CSF2RA: variants seen among roughly 807,000 people sequenced by gnomAD.
CSF2RA encodes granulocyte-macrophage colony-stimulating factor receptor subunit alpha.
A neutral mutation model predicts 51.6 loss-of-function variants in CSF2RA; 42 were observed. The ratio of observed to expected loss-of-function variants is 0.81; its 90% CI spans 0.64 to 1.05. The LOEUF is 1.05. Among genes scored for constraint, CSF2RA ranks in the 50% least tolerant of loss-of-function variants. The probability of loss-of-function intolerance (pLI) is 0.00; values close to 1 mark genes in which losing one functional copy is unlikely to be tolerated. For missense variants in CSF2RA, 530 were observed against 501.1 expected (o/e 1.06, Z -0.55); for synonymous variants, 222 against 193.0 (o/e 1.15, Z -1.24).
At chrX:1,289,807 GTGTTT>G (rs201048400) in intron 6 of CSF2RA, among the ~76,000 whole-genome samples, 17,951 of 103,608 alleles carry the variant, frequency 0.17, 2,613 homozygotes, top group Middle Eastern at 0.29. Context: ...TTGTGTTTTT[GTGTTT>G]TGTTTTGTTT....
rs1370376698 is a variant in CSF2RA, at chrX:1,309,681, G to A, written c.*202G>A. ...GCAGGCGGATCACCTGAGGTCAGGAGTTCAAGACCAGCCTGCCCAACATGG... is the reference window on the plus strand; with the variant it reads ...GCAGGCGGATCACCTGAGGTCAGGAATTCAAGACCAGCCTGCCCAACATGG... On this transcript the variant is annotated 3_prime_UTR_variant, in exon 13 of 13. Transcript: ENST00000381529. 3 of 1,177,960 alleles carry A rather than the reference G, an allele frequency of 2.5e-6. No homozygotes were observed. The East Asian group carries it at 7.0e-5, about 28-fold the overall frequency. 73.0% of individuals were successfully genotyped at this position (1,177,960 alleles called of 1,614,324 possible).
chrX:1,273,316 A>AT (rs201207431), intron 1 of CSF2RA, among the ~76,000 whole-genome samples: 4,064 of 149,224 alleles, frequency 0.027, 172 homozygotes, highest in African/African-American at 0.094. Context: ...TCTTAGTTGT[A>AT]TTTTTTTTTT....
downstream of CSF2RA, among the ~76,000 whole-genome samples, chrX:1,313,991 A>AAAAT (rs2084297748): frequency 6.6e-6 from 1 of 152,100 alleles, no homozygotes; most frequent in Non-Finnish European, 1.5e-5. Flanking sequence ...ATTCTGTCTC[A>AAAAT]AAATAAATGA....
chrX:1,273,831 C>A (rs1239327356), intron 1 of CSF2RA, among the ~76,000 whole-genome samples: 13 of 151,180 alleles, frequency 8.6e-5, no homozygotes, highest in African/African-American at 2.9e-4. Context: ...ATCTCCTGGC[C>A]TCATGATCTG....
At chrX:1,297,880 CCTACA>C (rs2092076920) in intron 9 of CSF2RA, among the ~76,000 whole-genome samples, 1 of 108,742 alleles carries the variant, frequency 9.2e-6, no homozygotes, top group Non-Finnish European at 2.0e-5. Context: ...CTGGCGGAAC[CCTACA>C]GTCCCCTACT....
At chrX:1,273,584 C>T (rs1250093380) in intron 1 of CSF2RA, among the ~76,000 whole-genome samples, 2 of 151,732 alleles carry the variant, frequency 1.3e-5, no homozygotes, top group African/African-American at 4.8e-5. Context: ...CCGCCTCGGC[C>T]TCCCAAAGTG....
intron 5 of CSF2RA, 43 bp from the exon 6 acceptor site, chrX:1,288,716 T>C (rs765904598): frequency 2.5e-6 from 4 of 1,613,918 alleles, no homozygotes; most frequent in Admixed American, 1.7e-5. Context: ...TACATCCCGT[T>C]GAACTTCGGA....
At chrX:1,278,324 C>T (rs1299157662) in intron 2 of CSF2RA, among the ~76,000 whole-genome samples, 1 of 147,996 alleles carries the variant, frequency 6.8e-6, no homozygotes, top group African/African-American at 2.5e-5. Context: ...CAGAATGAGA[C>T]TCAGTCTCAA....
At chrX:1,315,105 G>C (rs1158423927), downstream of CSF2RA, among the ~76,000 whole-genome samples, 10 of 152,036 alleles carry the variant, frequency 6.6e-5, no homozygotes, top group African/African-American at 2.4e-4. Flanking sequence ...GATGCATGCA[G>C]GTGGGAGTCA....
In CSF2RA at chrX:1,305,772, AG is replaced by A. The variant is rs1306912395; in HGVS notation, c.1125+246del. On this transcript the variant is annotated intron_variant, in intron 12 of 12. Transcript: ENST00000381529. ...AGAAACTGAGGCAGGGTGGTGGTCA[AG>A]AAAAGGAGGAGAAGACGGTAGAGAG... is the stretch of plus-strand genomic sequence containing the variant. 3.0e-5 allele frequency: 47 copies of A among 1,551,284 alleles called. No individual in the cohort carries two copies. In the African/African-American group the frequency reaches 6.2e-4, roughly 20 times the overall value.
chrX:1,311,600 C>G (rs191999755), downstream of CSF2RA, among the ~76,000 whole-genome samples: 526 of 151,888 alleles, frequency 3.5e-3, 3 homozygotes, highest in African/African-American at 0.012. Context: ...TTCCCGGCTA[C>G]TTTTTTTTGT....
intron 10 of CSF2RA, chrX:1,303,476 A>G (rs1289896230): frequency 5.3e-5 from 24 of 453,930 alleles, no homozygotes; most frequent in African/African-American, 2.8e-4. Context: ...CTGACCTCAG[A>G]TGATGCGCCC....
Sources: allele counts gnomAD v4.1 joint callset (sites outside exome capture counted in the v4.1 genomes callset), GRCh38; gene constraint gnomAD v4.1.1; transcripts MANE v1.5; gene names NCBI Gene and HGNC (gene_info 2026-07-23, HGNC 2026-07-21).